The following NCOR2 variants were observed in gnomAD, a reference collection of about 807,000 sequenced individuals.
The protein encoded by NCOR2 is CTG repeat protein 26.
Under a neutral mutation model 262.9 loss-of-function variants are expected in NCOR2, and 81 were observed. That is an observed-to-expected ratio of 0.31 (90% CI 0.26 to 0.37). The LOEUF (loss-of-function observed/expected upper bound fraction) is 0.37, where lower values mean the gene tolerates loss of function less well. Among genes scored for constraint, NCOR2 ranks in the 10% least tolerant of loss-of-function variants. The probability of loss-of-function intolerance (pLI) is 1.00; values close to 1 mark genes in which losing one functional copy is unlikely to be tolerated. For synonymous variants in NCOR2, 1,659 were observed against 1,559.3 expected, an observed-to-expected ratio of 1.06 and a Z score of -1.51; for missense variants, 3,385 against 3,621.4, an observed-to-expected ratio of 0.93 and a Z score of 1.68.
At chr12:124,552,199 T>A (rs1376919912) in intron 1 of NCOR2, among the ~76,000 whole-genome samples, 1 of 151,930 alleles carries the variant, frequency 6.6e-6, no homozygotes, top group African/African-American at 2.4e-5. Flanking sequence ...CATGTGCCTG[T>A]AGTCCCAGCT....
Position 124,326,325 on chromosome 12 carries a change from T to A in NCOR2, c.7229A>T (p.Lys2410Ile), listed in dbSNP as rs777601321. ...CAGGCCCGGGGCCGGGGACTTGGCT[T>A]TTCGGCTGCTGGGTCTGCCAGAGAC... The change falls in exon 46 of 47, where the codon AAA becomes ATA. Residue 2410 changes from lysine (K) to isoleucine (I), a missense_variant. By Grantham distance (102) the Lys-to-Ile change is moderately radical. Around this residue, in one of 5 missense-constraint regions of NCOR2, gnomAD observed 1,017 missense variants for 967.2 expected, o/e 1.05. Coordinates refer to ENST00000405201, the Ensembl canonical transcript of NCOR2. The A allele has an allele frequency of 2.6e-5, 40 of 1,537,980 alleles. No homozygotes were observed. In the South Asian group the frequency reaches 4.9e-4, roughly 19 times the overall value.
intron 17 of NCOR2, among the ~76,000 whole-genome samples, chr12:124,383,938 C>T (rs575640128): frequency 5.9e-5 from 9 of 151,804 alleles, no homozygotes; most frequent in Non-Finnish European, 1.3e-4. Context: ...CCACACCCTG[C>T]GGAAGCCTGG....
intron 27 of NCOR2, among the ~76,000 whole-genome samples, chr12:124,353,141 G>A (rs1214200058): frequency 6.6e-6 from 1 of 152,194 alleles, no homozygotes; most frequent in African/African-American, 2.4e-5. Context: ...AAGGGCGCGG[G>A]TCATGGCCAC....
At chr12:124,402,272 A>G (rs2042025553) in intron 14 of NCOR2, 132 bp downstream of exon 16, 5 of 1,507,092 alleles carry the variant, frequency 3.3e-6, no homozygotes, top group African/African-American at 2.8e-5. Flanking sequence ...GCAAACGAGC[A>G]GAAAGCCCTC....
At chr12:124,545,475 C>T (rs1213272897) in intron 1 of NCOR2, among the ~76,000 whole-genome samples, 1 of 152,204 alleles carries the variant, frequency 6.6e-6, no homozygotes, top group Non-Finnish European at 1.5e-5. Context: ...CCCTGGTGTC[C>T]ACACCCAATC....
chr12:124,382,332 T>C (rs1298660128), intron 17 of NCOR2, among the ~76,000 whole-genome samples: 2 of 152,190 alleles, frequency 1.3e-5, no homozygotes, highest in African/African-American at 4.8e-5. Flanking sequence ...TCCCTGCATC[T>C]GCTCCGCTTT....
intron 37 of NCOR2, among the ~76,000 whole-genome samples, chr12:124,339,027 C>G (rs2135803112): frequency 6.9e-6 from 1 of 145,402 alleles, no homozygotes; most frequent in South Asian, 2.3e-4. Context: ...CTCTCACCCA[C>G]CCACCTACCT....
chr12:124,519,509 C>T lies in NCOR2; in HGVS notation c.-118+16056G>A, dbSNP rs1448332683. Among the ~76,000 whole-genome samples the T allele has an allele frequency of 5.9e-5, 9 of 152,148 alleles. No individual in the cohort carries two copies. In the South Asian group the frequency reaches 1.0e-3, roughly 18 times the overall value. On this transcript the variant is annotated intron_variant, in intron 1 of 46. Coordinates refer to the NCOR2 transcript ENST00000404621. ...ATGTGAAGGTCTGGAGGCTGGACCA[C>T]GCGGGTGTGTTGTCAAAGCAGAGAG...
chr12:124,420,463 A>C (rs936917662), intron 12 of NCOR2, among the ~76,000 whole-genome samples: 1 of 151,968 alleles, frequency 6.6e-6, no homozygotes, highest in Non-Finnish European at 1.5e-5. Flanking sequence ...TTCCCCAAAC[A>C]TAGGTCCGGG....
chr12:124,346,849 C>T, exon 31 of NCOR2: 2 of 1,566,120 alleles, frequency 1.3e-6, no homozygotes, highest in Non-Finnish European at 1.7e-6. Context: ...ACCGAGGGAT[C>T]CCTGCCGGGC....
intron 16 of NCOR2, among the ~76,000 whole-genome samples, chr12:124,388,129 C>T (rs2040955220): frequency 6.6e-6 from 1 of 152,136 alleles, no homozygotes; most frequent in African/African-American, 2.4e-5. Flanking sequence ...ACATACGGCT[C>T]CCAAAGGAGC....
At chr12:124,507,816 A>T (rs2049131687) in intron 1 of NCOR2, among the ~76,000 whole-genome samples, 2 of 152,148 alleles carry the variant, frequency 1.3e-5, no homozygotes, top group African/African-American at 4.8e-5. Context: ...CCAGACCCCG[A>T]GTGTGAAGGC....
chr12:124,506,046 C>T (rs2049019716), intron 1 of NCOR2, among the ~76,000 whole-genome samples: 1 of 152,028 alleles, frequency 6.6e-6, no homozygotes, highest in Non-Finnish European at 1.5e-5. Flanking sequence ...TCATTCCCCA[C>T]ATTCTGCTTC....
chr12:124,534,577 G>A (rs551335707), intron 1 of NCOR2, among the ~76,000 whole-genome samples: 26 of 152,274 alleles, frequency 1.7e-4, no homozygotes, highest in African/African-American at 5.3e-4. Flanking sequence ...GAAATCTCCC[G>A]ACAACAGCCT....
At chr12:124,519,371 C>T (rs1342266664) in intron 1 of NCOR2, among the ~76,000 whole-genome samples, 1 of 152,128 alleles carries the variant, frequency 6.6e-6, no homozygotes, top group Non-Finnish European at 1.5e-5. Context: ...ACTTCCCTGC[C>T]CCTAGCAGCC....
intron 9 of NCOR2, among the ~76,000 whole-genome samples, chr12:124,430,296 C>A (rs1340953342): frequency 2.0e-5 from 3 of 152,206 alleles, no homozygotes; most frequent in African/African-American, 7.2e-5. Context: ...CCACGTCTCT[C>A]CCCTTTGTCC....
chr12:124,551,863 C>T (rs940083681), intron 1 of NCOR2, among the ~76,000 whole-genome samples: 2 of 152,166 alleles, frequency 1.3e-5, no homozygotes, highest in Non-Finnish European at 2.9e-5. Flanking sequence ...TCCGGAACAC[C>T]CGCCCCTTGG....
intron 46 of NCOR2, 45 bp downstream of exon 48, chr12:124,326,146 G>A: frequency 6.9e-7 from 1 of 1,449,534 alleles, no homozygotes; most frequent in Non-Finnish European, 9.1e-7. Context: ...ACAGCCCAGT[G>A]TTGGGGGCTC....
At chr12:124,330,262 C>T (rs1420667708) in intron 44 of NCOR2, among the ~76,000 whole-genome samples, 3 of 152,232 alleles carry the variant, frequency 2.0e-5, no homozygotes, top group Non-Finnish European at 1.5e-5. Context: ...CAAGGAAATA[C>T]ACAATGGGGC....
Sources: allele counts gnomAD v4.1 joint callset (sites outside exome capture counted in the v4.1 genomes callset), GRCh38; gene constraint gnomAD v4.1.1; regional missense constraint gnomAD v4.1.1; transcripts MANE v1.5; gene names NCBI Gene and HGNC (gene_info 2026-07-23, HGNC 2026-07-21).